Variants in PAK3 observed in about 807,000 individuals in gnomAD.
The protein encoded by PAK3 is serine/threonine-protein kinase PAK 3.
PAK3 carries 4 observed loss-of-function variants against 41.0 expected under a neutral mutation model. The ratio of observed to expected loss-of-function variants is 0.10; its 90% confidence interval spans 0.05 to 0.22. The LOEUF (loss-of-function observed/expected upper bound fraction) is 0.22. Among genes scored for constraint, PAK3 ranks in the 10% least tolerant of loss-of-function variants. PAK3 has a pLI of 1.00. For missense variants in PAK3, 205 were observed against 409.9 expected (o/e 0.50, Z 4.32); for synonymous variants, 146 against 139.6 (o/e 1.05, Z -0.32).
At chrX:111,196,236 G>A (rs1056338825) in intron 15 of PAK3, among the ~76,000 whole-genome samples, 1 of 111,929 alleles carries the variant, frequency 8.9e-6, no homozygotes, top group Non-Finnish European at 1.9e-5. Flanking sequence ...TTAGATTGAA[G>A]TCTAGTAAAA....
chrX:111,157,142 A>G (rs1428947551), intron 8 of PAK3, among the ~76,000 whole-genome samples: 1 of 111,423 alleles, frequency 9.0e-6, no homozygotes, highest in Non-Finnish European at 1.9e-5. Flanking sequence ...GATTCTGTTA[A>G]ATTGCAGATT....
intron 1 of PAK3, among the ~76,000 whole-genome samples, chrX:110,987,045 C>A (rs772397128): frequency 5.4e-5 from 6 of 111,795 alleles, no homozygotes; most frequent in Non-Finnish European, 7.5e-5. Context: ...TCCTTTCAGA[C>A]CCTTTCTGCC....
chrX:111,089,482 A>G (rs1344893018), intron 1 of PAK3, among the ~76,000 whole-genome samples: 1 of 112,193 alleles, frequency 8.9e-6, no homozygotes, highest in Non-Finnish European at 1.9e-5. Flanking sequence ...GTCAACATCC[A>G]TATCCACCAG....
intron 5 of PAK3, among the ~76,000 whole-genome samples, chrX:111,139,357 T>TA (rs903235528): frequency 1.8e-5 from 2 of 111,204 alleles, no homozygotes; most frequent in East Asian, 2.8e-4. Flanking sequence ...ATATATAGCT[T>TA]AAAAAAAAGA....
At chrX:111,216,018 C>A (rs1484245219) in intron 16 of PAK3, among the ~76,000 whole-genome samples, 1 of 112,127 alleles carries the variant, frequency 8.9e-6, no homozygotes, top group Non-Finnish European at 1.9e-5. Context: ...CTTTCCATTG[C>A]ACTTTCCCAA....
At chrX:111,071,869 C>T (rs2092747926) in intron 1 of PAK3, among the ~76,000 whole-genome samples, 2 of 112,059 alleles carry the variant, frequency 1.8e-5, no homozygotes, top group African/African-American at 6.5e-5. Context: ...TTTCTAAATA[C>T]AAGACTAAAA....
intron 1 of PAK3, among the ~76,000 whole-genome samples, chrX:111,032,246 G>T (rs1041824321): frequency 8.9e-6 from 1 of 111,928 alleles, no homozygotes; most frequent in African/African-American, 3.2e-5. Flanking sequence ...CACCATGTTG[G>T]CAGCTTTCAT....
chrX:111,052,517 CACA>C (rs957798877), intron 1 of PAK3, among the ~76,000 whole-genome samples: 1 of 112,515 alleles, frequency 8.9e-6, no homozygotes, highest in African/African-American at 3.2e-5. Flanking sequence ...CACATCATCT[CACA>C]ACTTCATTTA....
At chrX:111,104,908 G>A (rs1249217494) in intron 4 of PAK3, among the ~76,000 whole-genome samples, 1 of 111,594 alleles carries the variant, frequency 9.0e-6, no homozygotes, top group East Asian at 2.8e-4. Context: ...GTGGCTTTGG[G>A]AAGAAAGAGA....
intron 1 of PAK3, 86 bp from the exon 2 acceptor site, chrX:111,097,304 G>A (rs1191245325): frequency 9.3e-6 from 1 of 107,074 alleles, no homozygotes; most frequent in Non-Finnish European, 1.9e-5. Flanking sequence ...GGTGGGGTGG[G>A]GGATGGTGGG....
intron 16 of PAK3, among the ~76,000 whole-genome samples, chrX:111,200,773 T>C (rs1158673694): frequency 8.9e-6 from 1 of 112,471 alleles, no homozygotes; most frequent in Admixed American, 9.4e-5. Context: ...ATGAGTAATT[T>C]ACAGCCTGCA....
Position 111,220,409 on chromosome X carries a change from A to G in PAK3, c.1597A>G (p.Ile533Val). The change falls in exon 18 of 18, where the codon ATC becomes GTC. Residue 533 changes from isoleucine to valine, a missense_variant. By Grantham distance (29) the Ile-to-Val change is conservative. Coordinates refer to ENST00000372007, the MANE Select transcript of PAK3 (RefSeq NM_002578.5). ...KPLSSLTPLI[I>V]AAKEAIKNSS... ...TCTCTCCAGCCTGACTCCTCTGATT[A>G]TCGCTGCAAAGGAAGCAATTAAGAA... 8.3e-7 allele frequency: 1 copy of G among 1,204,844 alleles called. No homozygotes were observed. Among genetic ancestry groups the G allele is most frequent in the Non-Finnish European group, 1.1e-6 (1 of 889,693 alleles).
chrX:111,216,866 C>T, intron 17 of PAK3: 1 of 676,375 alleles, frequency 1.5e-6, no homozygotes, highest in Non-Finnish European at 1.8e-6. Flanking sequence ...TTTACTTGTG[C>T]CCCTGGATGT....
At chrX:111,139,618 CCT>C (rs2093843655) in intron 5 of PAK3, among the ~76,000 whole-genome samples, 1 of 111,852 alleles carries the variant, frequency 8.9e-6, no homozygotes, top group Non-Finnish European at 1.9e-5. Context: ...TATGCTTAGC[CCT>C]GAGTGAAGAA....
rs1037403759 is a variant in PAK3 at position 111,221,780 on chromosome X, G to C, written c.*1333G>C. ...CTGTTTCGGAATATGGTGTGTTCAT[G>C]CTTAGTTCTTTGGGCTTTTGAATAT... On this transcript the variant is annotated 3_prime_UTR_variant, in exon 18 of 18. Coordinates refer to ENST00000372007, the MANE Select transcript of PAK3 (RefSeq NM_002578.5). 5 of 111,340 alleles carry C rather than the reference G, an allele frequency of 4.5e-5. No homozygotes were observed. The highest frequency in any genetic ancestry group is 9.4e-5 in the Non-Finnish European group (5 of 52,972). The allele number at this position is 111,340 out of a possible 1,213,427, so 9.2% of individuals were successfully genotyped here. A position where few individuals can be genotyped will look rare whatever the true frequency, so the allele number is the denominator to read the frequency against.
At chrX:111,121,011 C>T (rs1267040362) in intron 4 of PAK3, among the ~76,000 whole-genome samples, 2 of 111,305 alleles carry the variant, frequency 1.8e-5, no homozygotes, top group Non-Finnish European at 3.8e-5. Context: ...TTAGAAGGAC[C>T]AAAAGTCAAA....
At chrX:110,967,908 A>G (rs1397852625) in intron 1 of PAK3, among the ~76,000 whole-genome samples, 2 of 111,910 alleles carry the variant, frequency 1.8e-5, no homozygotes, top group African/African-American at 6.5e-5. Context: ...TGTGTGTCCA[A>G]CAACACAGTC....
chrX:110,999,394 T>C (rs762536963), intron 1 of PAK3, among the ~76,000 whole-genome samples: 1 of 111,820 alleles, frequency 8.9e-6, no homozygotes, highest in South Asian at 3.8e-4. Context: ...TCTTGCATGG[T>C]GCCTATGACT....
At chrX:111,213,301 A>G (rs938145766) in intron 16 of PAK3, among the ~76,000 whole-genome samples, 1 of 112,157 alleles carries the variant, frequency 8.9e-6, no homozygotes, top group Non-Finnish European at 1.9e-5. Flanking sequence ...TCATTACTTC[A>G]GATTTTCCTT....
Sources: allele counts gnomAD v4.1 joint callset (sites outside exome capture counted in the v4.1 genomes callset), GRCh38; gene constraint gnomAD v4.1.1; transcripts MANE v1.5; gene names NCBI Gene and HGNC (gene_info 2026-07-23, HGNC 2026-07-21).